Variants in SHISA9 observed in about 807,000 individuals in gnomAD.
The protein encoded by SHISA9 is protein shisa-9.
In SHISA9, 13 loss-of-function variants were observed where a neutral mutation model predicts 38.0. That is an observed-to-expected ratio of 0.34 (90% CI 0.22 to 0.54). The LOEUF is 0.54. SHISA9 is among the 20% of genes least tolerant of loss of function. The pLI, the probability that SHISA9 is intolerant of heterozygous loss-of-function variation, is 0.91. For synonymous variants in SHISA9, 275 were observed against 242.0 expected (o/e 1.14, Z -1.27); for missense variants, 538 against 575.8 (o/e 0.93, Z 0.67).
the SHISA9 span, among the ~76,000 whole-genome samples, chr16:13,301,932 A>G: frequency 6.6e-6 from 1 of 152,354 alleles, no homozygotes; most frequent in East Asian, 1.9e-4. Flanking sequence ...TTTGTGGTAC[A>G]TGCCTGGTGC....
At chr16:12,929,963 G>A (rs1389408809) in intron 2 of SHISA9, among the ~76,000 whole-genome samples, 1 of 151,920 alleles carries the variant, frequency 6.6e-6, no homozygotes, top group South Asian at 2.1e-4. Context: ...CTTTTTGGGG[G>A]GCCTTACCTA....
At chr16:13,199,137 G>T (rs2050979475) in intron 2 of SHISA9, among the ~76,000 whole-genome samples, 1 of 152,164 alleles carries the variant, frequency 6.6e-6, no homozygotes, top group Non-Finnish European at 1.5e-5. Context: ...CAGGGTTTGA[G>T]CCTAGTAGGT....
chr16:13,399,631 A>G, the SHISA9 span, among the ~76,000 whole-genome samples: 1 of 152,126 alleles, frequency 6.6e-6, no homozygotes, highest in African/African-American at 2.4e-5. Context: ...GCTTTCTTGC[A>G]TTTCATTGGG....
intron 2 of SHISA9, among the ~76,000 whole-genome samples, chr16:13,066,223 T>C (rs143552508): frequency 6.6e-6 from 1 of 152,338 alleles, no homozygotes; most frequent in African/African-American, 2.4e-5. Flanking sequence ...AGTGGAAATA[T>C]CTCTTTCCTT....
chr16:13,157,122 T>C (rs2050554085), intron 2 of SHISA9, among the ~76,000 whole-genome samples: 1 of 152,158 alleles, frequency 6.6e-6, no homozygotes. Context: ...CTGAATCTTC[T>C]TCTTACGTGT....
rs542950063 is a variant in SHISA9 at position 13,190,991 on chromosome 16, C to A, written c.692-12403C>A. 1.2e-4 allele frequency among the ~76,000 whole-genome samples: 18 copies of A among 152,040 alleles called. No homozygotes were observed. The South Asian group carries it at 1.7e-3, about 14-fold the overall frequency. ...GATTCAATTCTCCTTCTACATAAACCTTTTCTGATGTAAGCCTAGGCTGCT... is the reference window on the plus strand; with the variant it reads ...GATTCAATTCTCCTTCTACATAAACATTTTCTGATGTAAGCCTAGGCTGCT... On this transcript the variant is annotated intron_variant, in intron 2 of 4. Coordinates refer to ENST00000558583, the MANE Select transcript of SHISA9 (RefSeq NM_001145204.3).
the SHISA9 span, among the ~76,000 whole-genome samples, chr16:13,551,887 C>T: frequency 6.6e-6 from 1 of 152,102 alleles, no homozygotes; most frequent in Non-Finnish European, 1.5e-5. Flanking sequence ...ACTAGCCAGG[C>T]AAGGTTGCAG....
chr16:13,507,437 T>C, the SHISA9 span, among the ~76,000 whole-genome samples: 2 of 152,250 alleles, frequency 1.3e-5, no homozygotes, highest in South Asian at 2.1e-4. Flanking sequence ...TAGAGTACCC[T>C]GGAGCAGCGA....
intron 4 of SHISA9, 60 bp from the exon 5 acceptor site, chr16:13,234,970 C>G: frequency 6.8e-7 from 1 of 1,477,718 alleles, no homozygotes; most frequent in South Asian, 1.4e-5. Flanking sequence ...CTCTCTCTCT[C>G]TCTCTCTCTC....
At chr16:13,203,677 G>A in intron 3 of SHISA9, 128 bp downstream of exon 3, 1 of 979,814 alleles carries the variant, frequency 1.0e-6, no homozygotes, top group Non-Finnish European at 1.4e-6. Flanking sequence ...TTCTCTTTCT[G>A]CTTTTCTCTG....
the SHISA9 span, among the ~76,000 whole-genome samples, chr16:13,391,546 A>T: frequency 2.6e-5 from 4 of 152,210 alleles, no homozygotes; most frequent in African/African-American, 4.8e-5. Flanking sequence ...TTACAGTTAC[A>T]CAGATGGCTG....
At chr16:13,356,312 C>G in the SHISA9 span, among the ~76,000 whole-genome samples, 1 of 152,068 alleles carries the variant, frequency 6.6e-6, no homozygotes, top group East Asian at 1.9e-4. Flanking sequence ...CTTTTAGGGT[C>G]TAGGGCTGTA....
chr16:12,935,436 CGT>C (rs1283635229), intron 2 of SHISA9, among the ~76,000 whole-genome samples: 2 of 152,146 alleles, frequency 1.3e-5, no homozygotes, highest in East Asian at 3.9e-4. Context: ...TATCTGTGGG[CGT>C]GTGTTTGCTT....
chr16:13,149,805 A>G (rs1001034944), intron 2 of SHISA9, among the ~76,000 whole-genome samples: 1 of 151,612 alleles, frequency 6.6e-6, no homozygotes, highest in Non-Finnish European at 1.5e-5. Flanking sequence ...GGTGCCGGCA[A>G]TCACAGCTAC....
chr16:13,387,538 G>A, the SHISA9 span, among the ~76,000 whole-genome samples: 1 of 151,668 alleles, frequency 6.6e-6, no homozygotes, highest in Non-Finnish European at 1.5e-5. Flanking sequence ...CCACCAGGCT[G>A]GAGAGCAGTG....
the SHISA9 span, among the ~76,000 whole-genome samples, chr16:13,303,723 CTT>C: frequency 6.6e-6 from 1 of 152,154 alleles, no homozygotes; most frequent in African/African-American, 2.4e-5. Flanking sequence ...GAATTGTTCA[CTT>C]CAAAGTGGTT....
At chr16:13,113,282 T>G (rs1271833700) in intron 2 of SHISA9, among the ~76,000 whole-genome samples, 1 of 149,686 alleles carries the variant, frequency 6.7e-6, no homozygotes, top group African/African-American at 2.5e-5. Context: ...TAAACTAAAG[T>G]GTTTTCATTT....
At chr16:13,392,025 T>C in the SHISA9 span, among the ~76,000 whole-genome samples, 13 of 152,178 alleles carry the variant, frequency 8.5e-5, no homozygotes, top group Non-Finnish European at 1.6e-4. Context: ...CCAGTGATTG[T>C]GGAGGTGAGG....
the SHISA9 span, among the ~76,000 whole-genome samples, chr16:13,257,029 C>T: frequency 1.3e-5 from 2 of 152,154 alleles, no homozygotes. Context: ...TTAAGAACTC[C>T]AACTTTAGAA....
Sources: allele counts gnomAD v4.1 joint callset (sites outside exome capture counted in the v4.1 genomes callset), GRCh38; gene constraint gnomAD v4.1.1; transcripts MANE v1.5; gene names NCBI Gene and HGNC (gene_info 2026-07-23, HGNC 2026-07-21).